Variants in GRID2 observed in about 807,000 individuals in gnomAD.
The protein encoded by GRID2 is glutamate receptor ionotropic, delta-2.
GRID2 carries 33 observed loss-of-function variants against 114.8 expected under a neutral mutation model. The observed-to-expected ratio is 0.29, with a 90% CI of 0.22 to 0.38. GRID2 has a LOEUF of 0.38. GRID2 is among the 10% of genes least tolerant of loss of function. The pLI, the probability that GRID2 is intolerant of heterozygous loss-of-function variation, is 1.00. For missense variants in GRID2, 1,184 were observed against 1,257.7 expected, an observed-to-expected ratio of 0.94 and a Z score of 0.89; for synonymous variants, 505 against 449.9, an observed-to-expected ratio of 1.12 and a Z score of -1.55.
intron 4 of GRID2, among the ~76,000 whole-genome samples, chr4:93,160,047 C>A (rs1737541688): frequency 6.6e-6 from 1 of 151,780 alleles, no homozygotes; most frequent in Non-Finnish European, 1.5e-5. Context: ...AATGAGTTAT[C>A]TATCTGTAAC....
intron 13 of GRID2, among the ~76,000 whole-genome samples, chr4:93,546,241 TGCTTATTCGA>T (rs1309515623): frequency 1.3e-5 from 2 of 152,206 alleles, no homozygotes; most frequent in East Asian, 3.9e-4. Context: ...TTGTTTAAGA[TGCTTATTCGA>T]GCGCCAAGTG....
At chr4:93,063,199 A>G (rs1727959784) in intron 2 of GRID2, among the ~76,000 whole-genome samples, 1 of 151,910 alleles carries the variant, frequency 6.6e-6, no homozygotes, top group Non-Finnish European at 1.5e-5. Flanking sequence ...GCAGTTTAGA[A>G]TTATAATGAT....
At chr4:93,360,268 TCCTTTTG>T (rs1308479880) in intron 8 of GRID2, among the ~76,000 whole-genome samples, 5 of 152,186 alleles carry the variant, frequency 3.3e-5, no homozygotes, top group Admixed American at 2.0e-4. Context: ...ATTCATTTCT[TCCTTTTG>T]CCTTTTGCTT....
chr4:93,145,457 T>TTG (rs925621692), intron 4 of GRID2, among the ~76,000 whole-genome samples: 6 of 126,200 alleles, frequency 4.8e-5, no homozygotes, highest in African/African-American at 1.7e-4. Flanking sequence ...GTATTTGTAT[T>TTG]TATTTATTTA....
chr4:93,794,273 A>G (rs779901475), intron 1 of GRID2, among the ~76,000 whole-genome samples: 13 of 152,214 alleles, frequency 8.5e-5, no homozygotes, highest in Non-Finnish European at 1.8e-4. Context: ...TGCAGACTGA[A>G]TAATGTTTGA....
chr4:92,838,000 T>A (rs1192851949), intron 2 of GRID2, among the ~76,000 whole-genome samples: 2 of 151,992 alleles, frequency 1.3e-5, no homozygotes, highest in African/African-American at 2.4e-5. Context: ...AATAATGTTT[T>A]AAAAAAATGA....
At chr4:92,535,737 T>C (rs1725587621) in intron 1 of GRID2, among the ~76,000 whole-genome samples, 1 of 152,194 alleles carries the variant, frequency 6.6e-6, no homozygotes, top group Non-Finnish European at 1.5e-5. Flanking sequence ...AGTGGGTTCT[T>C]GGTCTCGCTA....
At chr4:92,625,781 G>GA (rs1049922207) in intron 2 of GRID2, among the ~76,000 whole-genome samples, 22 of 151,814 alleles carry the variant, frequency 1.4e-4, no homozygotes, top group African/African-American at 5.3e-4. Context: ...GTAAAATTGC[G>GA]ACTGTTTCTC....
Position 93,433,460 on chromosome 4 carries a change from C to CA in GRID2, c.1545+10498dup, listed in dbSNP as rs1165278143. ...TGAATAGAGTCTCATTAATAAATAA[C>CA]AAAAAACAGGTTCCTTGAGTATCTA... On this transcript the variant is annotated intron_variant, in intron 10 of 15. Transcript: ENST00000282020. Among the ~76,000 whole-genome samples, 4 of 152,040 alleles carry CA rather than the reference C, an allele frequency of 2.6e-5. No individual in the cohort carries two copies. In the South Asian group the frequency reaches 6.2e-4, roughly 24 times the overall value.
rs548364433 is a variant in GRID2 at position 92,879,174 on chromosome 4, A to G, written c.245-205821A>G. On this transcript the variant is annotated intron_variant, in intron 2 of 15. Coordinates refer to ENST00000282020, the MANE Select transcript of GRID2 (RefSeq NM_001510.4). ...TAAAATATGGTGATTTTATTTTCAA[A>G]ACTGTTAATGATACTATCTTTCTAA... Among the ~76,000 whole-genome samples, 15 of 152,270 alleles carry G rather than the reference A, an allele frequency of 9.9e-5. No individual in the cohort carries two copies. In the South Asian group the frequency reaches 3.1e-3, roughly 32 times the overall value.
intron 1 of GRID2, among the ~76,000 whole-genome samples, chr4:92,367,785 C>A (rs1444861691): frequency 3.3e-5 from 5 of 152,082 alleles, no homozygotes; most frequent in Non-Finnish European, 5.9e-5. Flanking sequence ...GGTGAAAAAT[C>A]TCTGTTTGAT....
chr4:93,624,473 G>A (rs1742509695), intron 13 of GRID2, among the ~76,000 whole-genome samples: 1 of 152,068 alleles, frequency 6.6e-6, no homozygotes, highest in Admixed American at 6.5e-5. Context: ...GAAGTATTCT[G>A]TATCTCATTA....
intron 1 of GRID2, among the ~76,000 whole-genome samples, chr4:92,495,860 C>T (rs112409628): frequency 6.6e-6 from 1 of 151,950 alleles, no homozygotes; most frequent in African/African-American, 2.4e-5. Flanking sequence ...CTATGCTTCT[C>T]TAGTGAGATC....
chr4:93,385,502 A>G (rs1160061295), intron 8 of GRID2, among the ~76,000 whole-genome samples: 1 of 152,114 alleles, frequency 6.6e-6, no homozygotes, highest in Non-Finnish European at 1.5e-5. Flanking sequence ...CATGCAATAA[A>G]TTTTCATTGT....
At chr4:92,903,851 G>T (rs2149483320) in intron 2 of GRID2, among the ~76,000 whole-genome samples, 1 of 152,048 alleles carries the variant, frequency 6.6e-6, no homozygotes, top group Admixed American at 6.6e-5. Context: ...TCTCCTCAAT[G>T]TGCTCATAGT....
chr4:93,379,184 C>T (rs1763635734), intron 8 of GRID2, among the ~76,000 whole-genome samples: 1 of 151,982 alleles, frequency 6.6e-6, no homozygotes, highest in South Asian at 2.1e-4. Flanking sequence ...CAACTTTCAG[C>T]TAAACTGTAT....
rs531185586 is a variant in GRID2 at position 93,481,590 on chromosome 4, T to C, written c.1859-9049T>C. Among the ~76,000 whole-genome samples the C allele has an allele frequency of 3.9e-5, 6 of 152,194 alleles. No individual in the cohort carries two copies. The South Asian group carries it at 1.2e-3, about 32-fold the overall frequency. Reference sequence around the variant, plus strand: ...GAGCAGTTAGCTGGAACCATAATCTTCAAAATCACTATTATTGCCATGGCC... The same window carrying C: ...GAGCAGTTAGCTGGAACCATAATCTCCAAAATCACTATTATTGCCATGGCC... On this transcript the variant is annotated intron_variant, in intron 11 of 15. Coordinates refer to ENST00000282020, the MANE Select transcript of GRID2 (RefSeq NM_001510.4).
At chr4:93,108,249 A>C (rs2149348594) in intron 3 of GRID2, among the ~76,000 whole-genome samples, 1 of 152,210 alleles carries the variant, frequency 6.6e-6, no homozygotes, top group Non-Finnish European at 1.5e-5. Flanking sequence ...CCAAACACTT[A>C]GTGTGCTTTG....
chr4:93,426,466 A>G (rs1319102569), intron 10 of GRID2, among the ~76,000 whole-genome samples: 1 of 152,170 alleles, frequency 6.6e-6, no homozygotes, highest in African/African-American at 2.4e-5. Context: ...TATTATGCTA[A>G]TAAACTACAC....
Sources: gnomAD v4.1 joint callset for allele counts (sites outside exome capture counted in the v4.1 genomes callset) on GRCh38, gnomAD v4.1.1 for gene constraint, MANE v1.5 for transcripts, NCBI Gene and HGNC (gene_info 2026-07-23, HGNC 2026-07-21) for gene names.